The following PRIM2 variants were observed in gnomAD, a reference collection of about 807,000 sequenced individuals.
PRIM2 encodes the protein DNA primase subunit 2.
In PRIM2, 39 loss-of-function variants were observed where a neutral mutation model predicts 67.3. The observed-to-expected ratio is 0.58, with a 90% CI of 0.45 to 0.76. The LOEUF (loss-of-function observed/expected upper bound fraction) is 0.76. PRIM2 is among the 30% of genes least tolerant of loss of function. PRIM2 has a pLI of 0.00. For synonymous variants in PRIM2, 143 were observed against 198.7 expected (o/e 0.72, Z 2.36); for missense variants, 398 against 598.7 (o/e 0.66, Z 3.50).
chr6:57,549,043 A>G (rs1775348189), intron 10 of PRIM2, among the ~76,000 whole-genome samples: 1 of 152,238 alleles, frequency 6.6e-6, no homozygotes, highest in Admixed American at 6.5e-5. Flanking sequence ...AAACCATCTT[A>G]GGAGATAAGT....
chr6:57,341,476 CT>C (rs1768488480), intron 5 of PRIM2, among the ~76,000 whole-genome samples: 1 of 152,096 alleles, frequency 6.6e-6, no homozygotes, highest in East Asian at 1.9e-4. Context: ...CTTTTCCCAT[CT>C]TTTTCATGGA....
At position 57,438,762 on chromosome 6, in the gene PRIM2, C is replaced by T. The variant is rs35461368; in HGVS notation, c.693+56594C>T. Among the ~76,000 whole-genome samples, 4 of 151,798 alleles carry T rather than the reference C, an allele frequency of 2.6e-5. No homozygotes were observed. The East Asian group carries it at 5.8e-4, about 22-fold the overall frequency. On this transcript the variant is annotated intron_variant, in intron 7 of 13. Transcript: ENST00000615550. Reference sequence around the variant, plus strand: ...GTTCATGAATTGTGCATGTAGTTTTCGGCATTTTTTTTTTCTTTTTTTTTG... The same window carrying T: ...GTTCATGAATTGTGCATGTAGTTTTTGGCATTTTTTTTTTCTTTTTTTTTG...
intron 7 of PRIM2, among the ~76,000 whole-genome samples, chr6:57,399,150 C>T (rs1283215374): frequency 6.6e-6 from 1 of 152,062 alleles, no homozygotes; most frequent in Non-Finnish European, 1.5e-5. Context: ...ATTAACTCAT[C>T]ATTTACATTA....
chr6:57,397,948 G>A (rs1338836449), intron 7 of PRIM2, among the ~76,000 whole-genome samples: 2 of 142,412 alleles, frequency 1.4e-5, no homozygotes, highest in Non-Finnish European at 3.0e-5. Flanking sequence ...CAGGCTGTGA[G>A]ATCTTTCTTT....
chr6:57,530,210 G>A lies in PRIM2; in HGVS notation c.762-2201G>A, dbSNP rs1774856571. 2.6e-5 allele frequency among the ~76,000 whole-genome samples: 4 copies of A among 152,226 alleles called. No homozygotes were observed. The South Asian group carries it at 8.3e-4, about 32-fold the overall frequency. ...ATGGAAAACATCCAGAAAGTAAGTG[G>A]TTCTCAAAAAAAGGTGCTTTCAATT... is the stretch of plus-strand genomic sequence containing the variant. On this transcript the variant is annotated intron_variant, in intron 8 of 13. Transcript: ENST00000615550.
At position 57,601,127 on chromosome 6, in the gene PRIM2, G is replaced by T. The variant is rs1776456203; in HGVS notation, c.1055G>T (p.Ser352Ile). Residue 352 changes from serine to isoleucine, a missense_variant, in exon 11 of 14, where the codon AGC becomes ATC. By Grantham distance (142) the Ser-to-Ile change is moderately radical (BLOSUM62 -2). Coordinates refer to ENST00000615550, the MANE Select transcript of PRIM2 (RefSeq NM_000947.5). ...GGTTACTCTTACAACATCCGTCACA[G>T]CTTTGGAAAGGAAGGCAAGAGGACA... Reference protein sequence around the residue: ...DKGYSYNIRHSFGKEGKRTDY... With the variant: ...DKGYSYNIRHIFGKEGKRTDY... 6.2e-7 allele frequency: 1 copy of T among 1,612,388 alleles called. No individual in the cohort carries two copies. The highest frequency in any genetic ancestry group is 1.3e-5 in the African/African-American group (1 of 74,988).
intron 10 of PRIM2, among the ~76,000 whole-genome samples, chr6:57,576,014 G>A (rs1227160216): frequency 4.6e-5 from 7 of 152,062 alleles, no homozygotes; most frequent in African/African-American, 1.7e-4. Flanking sequence ...CTGACCTCAG[G>A]TGATCCACCC....
intron 12 of PRIM2, among the ~76,000 whole-genome samples, chr6:57,619,577 A>G (rs1437270407): frequency 6.6e-6 from 1 of 152,268 alleles, no homozygotes; most frequent in South Asian, 2.1e-4. Context: ...AAAAAACAAT[A>G]CAAAATTCAG....
At chr6:57,334,792 G>C (rs560830815) in intron 5 of PRIM2, among the ~76,000 whole-genome samples, 2 of 152,312 alleles carry the variant, frequency 1.3e-5, no homozygotes, top group African/African-American at 4.8e-5. Context: ...TACAGAAGCA[G>C]CATATGCCTG....
Position 57,382,875 on chromosome 6 carries a change from G to A in PRIM2, c.693+707G>A, listed in dbSNP as rs376587511. 677 of 152,188 alleles carry A rather than the reference G, an allele frequency of 4.4e-3. 6 individuals carry two copies. Among genetic ancestry groups the A allele is most frequent in the African/African-American group, 0.015 (643 of 41,524 alleles). 9.4% of individuals were successfully genotyped at this position (152,188 alleles called of 1,614,324 possible). A position where few individuals can be genotyped will look rare whatever the true frequency, so the allele number is the denominator to read the frequency against. ...TTAAACTGTACTGATTATAGTGTAA[G>A]CATATGCCAAGCTTTCCTTCTCAGT... is the stretch of plus-strand genomic sequence containing the variant. On this transcript the variant is annotated intron_variant, in intron 7 of 13. Coordinates refer to ENST00000615550, the MANE Select transcript of PRIM2 (RefSeq NM_000947.5).
At chr6:57,431,220 T>C (rs1291891262) in intron 7 of PRIM2, among the ~76,000 whole-genome samples, 2 of 152,152 alleles carry the variant, frequency 1.3e-5, no homozygotes, top group African/African-American at 2.4e-5. Flanking sequence ...GTTTCTGTTA[T>C]ATGTAGCACA....
intron 12 of PRIM2, among the ~76,000 whole-genome samples, chr6:57,628,075 T>A (rs1776983548): frequency 6.6e-6 from 1 of 152,058 alleles, no homozygotes; most frequent in Admixed American, 6.5e-5. Flanking sequence ...AACTGGAGAG[T>A]TAGTGTCAGT....
chr6:57,356,978 GGCTGGAGTGTAGTGGTGCAATCTCA>G (rs1769050009), intron 5 of PRIM2, among the ~76,000 whole-genome samples: 1 of 143,990 alleles, frequency 6.9e-6, no homozygotes, highest in South Asian at 2.2e-4. Context: ...CTGTTGCCCA[GGCTGGAGTGTAGTGGTGCAATCTCA>G]GCTCACTGCA....
the PRIM2 span, among the ~76,000 whole-genome samples, chr6:57,242,852 C>T: frequency 3.9e-5 from 6 of 152,076 alleles, no homozygotes; most frequent in African/African-American, 1.4e-4. Context: ...GTGATGTTTG[C>T]CTTGAGTTTT....
At chr6:57,500,458 T>G (rs1348495199) in intron 7 of PRIM2, among the ~76,000 whole-genome samples, 2 of 152,134 alleles carry the variant, frequency 1.3e-5, no homozygotes, top group Non-Finnish European at 1.5e-5. Context: ...CAGAGTCTAG[T>G]TGAAAGAAGG....
intron 7 of PRIM2, among the ~76,000 whole-genome samples, chr6:57,453,577 GCTCT>G (rs1772638139): frequency 6.6e-6 from 1 of 152,010 alleles, no homozygotes; most frequent in Non-Finnish European, 1.5e-5. Flanking sequence ...TCATGATTTG[GCTCT>G]CTGTTTGTCT....
chr6:57,604,029 G>A (rs1776518876), intron 11 of PRIM2, among the ~76,000 whole-genome samples: 1 of 152,156 alleles, frequency 6.6e-6, no homozygotes, highest in South Asian at 2.1e-4. Flanking sequence ...TTTTAAGGCT[G>A]GTTGTGGTGG....
At chr6:57,642,440 T>TTTTTTTTC (rs1777257754) in intron 13 of PRIM2, among the ~76,000 whole-genome samples, 1 of 99,880 alleles carries the variant, frequency 1.0e-5, no homozygotes, top group Non-Finnish European at 2.2e-5. Flanking sequence ...TATATCTTTT[T>TTTTTTTTC]TTTTTTTTTT....
At chr6:57,265,046 C>A in the PRIM2 span, among the ~76,000 whole-genome samples, 3 of 152,112 alleles carry the variant, frequency 2.0e-5, no homozygotes, top group African/African-American at 7.2e-5. Flanking sequence ...TTATGAGGGT[C>A]ATGTGATTAA....
Sources: gnomAD v4.1 joint callset for allele counts (sites outside exome capture counted in the v4.1 genomes callset) on GRCh38, gnomAD v4.1.1 for gene constraint, MANE v1.5 for transcripts, NCBI Gene and HGNC (gene_info 2026-07-23, HGNC 2026-07-21) for gene names.